MTA3: variants seen among roughly 807,000 people sequenced by gnomAD.
The protein encoded by MTA3 is metastasis associated 1 family member 3, also known as metastasis-associated protein MTA3.
MTA3 carries 34 observed loss-of-function variants against 83.5 expected under a neutral mutation model. The observed-to-expected ratio is 0.41, with a 90% CI of 0.31 to 0.54. The LOEUF is 0.54. Among genes scored for constraint, MTA3 ranks in the 20% least tolerant of loss-of-function variants. The probability of loss-of-function intolerance (pLI) is 0.33; values close to 1 mark genes in which losing one functional copy is unlikely to be tolerated. For synonymous variants in MTA3, 303 were observed against 252.7 expected (o/e 1.20, Z -1.89); for missense variants, 761 against 726.4 (o/e 1.05, Z -0.55).
chr2:42,554,977 C>T (rs950086558), intron 2 of MTA3, among the ~76,000 whole-genome samples: 3 of 151,974 alleles, frequency 2.0e-5, no homozygotes, highest in Admixed American at 1.3e-4. Context: ...CTGGTGAAAC[C>T]CCGTCTTCAC....
At position 42,755,998 on chromosome 2, in the gene MTA3, G is replaced by T. The variant is rs968146365; in HGVS notation, c.*2599G>T. On this transcript the variant is annotated 3_prime_UTR_variant, in exon 17 of 17. Coordinates refer to ENST00000405094, the MANE Select transcript of MTA3 (RefSeq NM_001330442.2). The stretch of plus-strand genomic sequence containing the variant: ...CACAATTCCCCTTGTGCACAGCCCA[G>T]TTTCCATCTCTCAGGGCCCACCCAG... 1.5e-5 allele frequency: 15 copies of T among 985,400 alleles called. No individual in the cohort carries two copies. Among genetic ancestry groups the T allele is most frequent in the Non-Finnish European group, 1.8e-5 (15 of 830,008 alleles). The allele number at this position is 985,400 out of a possible 1,614,324, so 61.0% of individuals were successfully genotyped here.
At chr2:42,554,606 GA>G (rs1290453194) in intron 2 of MTA3, among the ~76,000 whole-genome samples, 3 of 151,642 alleles carry the variant, frequency 2.0e-5, no homozygotes, top group African/African-American at 7.3e-5. Context: ...CACAGGGAGG[GA>G]AAAAAAACAG....
chr2:42,747,647 A>T (rs1669542389), intron 16 of MTA3, among the ~76,000 whole-genome samples: 1 of 151,466 alleles, frequency 6.6e-6, no homozygotes, highest in Admixed American at 6.6e-5. Flanking sequence ...CTGTTGGGGC[A>T]CTTAAAGCCT....
chr2:42,706,612 C>G (rs531224654), intron 12 of MTA3, among the ~76,000 whole-genome samples: 6 of 152,288 alleles, frequency 3.9e-5, no homozygotes, highest in African/African-American at 1.2e-4. Flanking sequence ...GGCAAACTTA[C>G]AGAATTACAA....
chr2:42,564,939 G>A (rs1412490847), upstream of MTA3, among the ~76,000 whole-genome samples: 1 of 152,038 alleles, frequency 6.6e-6, no homozygotes, highest in African/African-American at 2.4e-5. Context: ...ACCATGCCCG[G>A]CTAATTTTTT....
chr2:42,524,472 G>GTTT lies in MTA3; in HGVS notation c.-141+29240_-141+29242dup, dbSNP rs58288129. Among the ~76,000 whole-genome samples, 471 of 70,624 alleles carry GTTT rather than the reference G, an allele frequency of 6.7e-3. 10 individuals are homozygous for GTTT. Among genetic ancestry groups the GTTT allele is most frequent in the African/African-American group, 0.021 (369 of 17,490 alleles). 46.3% of individuals were successfully genotyped at this position (70,624 alleles called of 152,430 possible). A position where few individuals can be genotyped will look rare whatever the true frequency, so the allele number is the denominator to read the frequency against. On this transcript the variant is annotated intron_variant, in intron 2 of 17. Transcript: ENST00000405592. ...CCCGCCACCACGCCTGGCTAGTTGT[G>GTTT]TTTTTTTTTTTTTTTTTTTTTTTTG...
At chr2:42,732,220 C>T (rs915450880) in intron 16 of MTA3, among the ~76,000 whole-genome samples, 10 of 152,194 alleles carry the variant, frequency 6.6e-5, no homozygotes, top group African/African-American at 2.4e-4. Flanking sequence ...GGGCCCTGCC[C>T]CTGCAGCAAA....
intron 3 of MTA3, among the ~76,000 whole-genome samples, chr2:42,582,617 G>A (rs1679798660): frequency 6.6e-6 from 1 of 152,020 alleles, no homozygotes; most frequent in Admixed American, 6.6e-5. Context: ...GCAAGACCCT[G>A]ACTCTATTTT....
chr2:42,622,375 C>G (rs1040507295), intron 4 of MTA3, among the ~76,000 whole-genome samples: 14 of 107,662 alleles, frequency 1.3e-4, no homozygotes, highest in South Asian at 6.8e-4. Context: ...AGCTTCGGCT[C>G]GGCATGAGAG....
intron 2 of MTA3, among the ~76,000 whole-genome samples, chr2:42,516,613 A>C (rs1675155573): frequency 6.6e-6 from 1 of 152,222 alleles, no homozygotes; most frequent in Non-Finnish European, 1.5e-5. Context: ...GCGGGAACTT[A>C]GGTCTAGACT....
At position 42,525,982 on chromosome 2, in the gene MTA3, C is replaced by A. The variant is rs1467657827; in HGVS notation, c.-141+30728C>A. On this transcript the variant is annotated intron_variant, in intron 2 of 17. Transcript: ENST00000405592. The stretch of plus-strand genomic sequence containing the variant: ...CCCTAGCACTTCAGTTTCAACCTAT[C>A]CTTTGCCAGAGAGAAAGAACCCCCT... 2.0e-5 allele frequency among the ~76,000 whole-genome samples: 3 copies of A among 151,990 alleles called. No homozygotes were observed. In the East Asian group the frequency reaches 5.8e-4, roughly 30 times the overall value.
chr2:42,528,188 G>A lies in MTA3; in HGVS notation c.-141+32934G>A, dbSNP rs192429214. Reference sequence around the variant, plus strand: ...GATCTGCCCGCCTCGGCCTCCCTAAGTGCTGGGATTACAGATGTGAGCCAC... The same window carrying A: ...GATCTGCCCGCCTCGGCCTCCCTAAATGCTGGGATTACAGATGTGAGCCAC... On this transcript the variant is annotated intron_variant, in intron 2 of 17. Coordinates refer to the MTA3 transcript ENST00000405592. Among the ~76,000 whole-genome samples, 14 of 151,884 alleles carry A rather than the reference G, an allele frequency of 9.2e-5. No individual in the cohort carries two copies. The East Asian group carries it at 1.9e-3, about 21-fold the overall frequency.
rs1400464152 is a variant in MTA3 at position 42,719,046 on chromosome 2, G to A, written c.1584G>A (p.Lys528=). Residue 528 remains lysine (K), a synonymous_variant, in exon 15 of 17, where the codon AAG becomes AAA. Coordinates refer to ENST00000405094, the MANE Select transcript of MTA3 (RefSeq NM_001330442.2). Reference sequence around the variant, plus strand: ...CACTGAAAAGCAAAAGCACTAGGAAGCCTTTGGCATGTATCATTGGGTATT... The same window carrying A: ...CACTGAAAAGCAAAAGCACTAGGAAACCTTTGGCATGTATCATTGGGTATT... The part of the protein sequence containing the change: ...GSPLKSKSTR[K]PLACIIGYLE... 1 of 1,550,404 alleles carries A rather than the reference G, an allele frequency of 6.4e-7. No homozygotes were observed. The highest frequency in any genetic ancestry group is 8.7e-7 in the Non-Finnish European group (1 of 1,146,872).
At chr2:42,604,569 C>G (rs1440649198) in intron 3 of MTA3, among the ~76,000 whole-genome samples, 3 of 47,472 alleles carry the variant, frequency 6.3e-5, no homozygotes, top group African/African-American at 4.8e-4. Context: ...CTGAATGTTT[C>G]TTTTCTTTTT....
chr2:42,588,165 AATAAT>A (rs1680559160), intron 3 of MTA3, among the ~76,000 whole-genome samples: 1 of 152,162 alleles, frequency 6.6e-6, no homozygotes, highest in Non-Finnish European at 1.5e-5. Context: ...GAATCCTTGA[AATAAT>A]ATACCTCATT....
chr2:42,538,095 T>C (rs950866329), intron 2 of MTA3, among the ~76,000 whole-genome samples: 2 of 151,930 alleles, frequency 1.3e-5, no homozygotes, highest in Non-Finnish European at 2.9e-5. Flanking sequence ...CAGACAGGTA[T>C]GGTGGCGGGC....
chr2:42,696,205 C>G (rs936963900), intron 10 of MTA3, among the ~76,000 whole-genome samples: 1 of 152,178 alleles, frequency 6.6e-6, no homozygotes, highest in Non-Finnish European at 1.5e-5. Flanking sequence ...CCAATGTCAT[C>G]AGCCATATAA....
In MTA3 at chr2:42,688,337, AC is replaced by A. The variant is rs540258287; in HGVS notation, c.891+5750del. 2.6e-3 allele frequency among the ~76,000 whole-genome samples: 389 copies of A among 151,500 alleles called. 2 individuals carry two copies. Among genetic ancestry groups the A allele is most frequent in the African/African-American group, 9.0e-3 (373 of 41,306 alleles). On this transcript the variant is annotated intron_variant, in intron 9 of 16. Coordinates refer to ENST00000405094, the MANE Select transcript of MTA3 (RefSeq NM_001330442.2). ...GGGCTCAAATGATGCTCTTGCCTTG[AC>A]CTCCCAAGTTGCTGGGATTATAGGC... is the stretch of plus-strand genomic sequence containing the variant.
chr2:42,746,109 G>T (rs1469400756), intron 16 of MTA3, among the ~76,000 whole-genome samples: 1 of 152,146 alleles, frequency 6.6e-6, no homozygotes, highest in Non-Finnish European at 1.5e-5. Context: ...ACTGCGCCCT[G>T]CCAAAATGGT....
Sources: gnomAD v4.1 joint callset for allele counts (sites outside exome capture counted in the v4.1 genomes callset) on GRCh38, gnomAD v4.1.1 for gene constraint, MANE v1.5 for transcripts, NCBI Gene and HGNC (gene_info 2026-07-23, HGNC 2026-07-21) for gene names.